TMEM39A: variants seen among roughly 807,000 people sequenced by gnomAD.
The protein encoded by TMEM39A is transmembrane protein 39A, also known as suppressor of SQST-1 aggregates in rpl-43 mutants.
A neutral mutation model predicts 51.9 loss-of-function variants in TMEM39A; 19 were observed. The ratio of observed to expected loss-of-function variants is 0.37; its 90% CI spans 0.26 to 0.54. The LOEUF (loss-of-function observed/expected upper bound fraction) is 0.54, where lower values mean the gene tolerates loss of function less well. Ranked by LOEUF, TMEM39A falls within the 20% of genes least tolerant of loss-of-function variation. The pLI is 0.88. For missense variants in TMEM39A, 433 were observed against 590.5 expected, an observed-to-expected ratio of 0.73 and a Z score of 2.76; for synonymous variants, 197 against 220.2, an observed-to-expected ratio of 0.89 and a Z score of 0.93.
chr3:119,440,165 T>C (rs143424412), intron 5 of TMEM39A, among the ~76,000 whole-genome samples: 307 of 152,108 alleles, frequency 2.0e-3, no homozygotes, highest in African/African-American at 6.8e-3. Flanking sequence ...ACAAGCTGCA[T>C]GTGTAGGTGT....
intron 4 of TMEM39A, among the ~76,000 whole-genome samples, chr3:119,447,624 A>ATT (rs547739348): frequency 2.5e-4 from 37 of 148,516 alleles, no homozygotes; most frequent in African/African-American, 8.4e-4. Context: ...TTTATTTTTA[A>ATT]TTTTTTTTTT....
At chr3:119,442,342 CAAAAA>C (rs34133941) in intron 5 of TMEM39A, among the ~76,000 whole-genome samples, 1 of 101,628 alleles carries the variant, frequency 9.8e-6, no homozygotes. Context: ...GACTCCATCT[CAAAAA>C]AAAAAAAAAA....
At chr3:119,442,343 A>C (rs2081065508) in intron 5 of TMEM39A, among the ~76,000 whole-genome samples, 1 of 96,772 alleles carries the variant, frequency 1.0e-5, no homozygotes, top group East Asian at 2.4e-4. Context: ...ACTCCATCTC[A>C]AAAAAAAAAA....
intron 3 of TMEM39A, among the ~76,000 whole-genome samples, chr3:119,456,818 C>G (rs1235177456): frequency 1.3e-5 from 2 of 152,188 alleles, no homozygotes; most frequent in East Asian, 1.9e-4. Flanking sequence ...GTTGCCTAGG[C>G]TGGTCTCAAA....
chr3:119,455,922 T>G (rs528294770), intron 3 of TMEM39A, among the ~76,000 whole-genome samples: 98 of 152,330 alleles, frequency 6.4e-4, no homozygotes, highest in Middle Eastern at 3.4e-3. Context: ...GGTCTGGACT[T>G]GGGCACTCAC....
chr3:119,455,271 T>A (rs966974846), intron 3 of TMEM39A, among the ~76,000 whole-genome samples: 1 of 152,200 alleles, frequency 6.6e-6, no homozygotes, highest in Non-Finnish European at 1.5e-5. Context: ...GGCAGTCCAA[T>A]CTATCTTTGA....
chr3:119,449,367 AG>A (rs1365858382), intron 4 of TMEM39A, among the ~76,000 whole-genome samples: 1 of 152,140 alleles, frequency 6.6e-6, no homozygotes, highest in African/African-American at 2.4e-5. Context: ...TGAGGTCTGG[AG>A]TTTGAGACCA....
chr3:119,441,091 G>A (rs2081046901), intron 5 of TMEM39A, among the ~76,000 whole-genome samples: 1 of 152,082 alleles, frequency 6.6e-6, no homozygotes, highest in Non-Finnish European at 1.5e-5. Context: ...TTCCATCAAT[G>A]AGCCATTCCC....
At chr3:119,450,826 CAAAAAAAAAAAAAA>C (rs60326718) in intron 4 of TMEM39A, among the ~76,000 whole-genome samples, 4 of 55,900 alleles carry the variant, frequency 7.2e-5, no homozygotes, top group African/African-American at 1.5e-4. Context: ...GACTCCATCT[CAAAAAAAAAAAAAA>C]AAAAAAAAAA....
At position 119,458,146 on chromosome 3, in the gene TMEM39A, C is replaced by T. The variant is rs2081290422; in HGVS notation, c.208G>A (p.Asp70Asn). The T allele has an allele frequency of 6.2e-7, 1 of 1,614,196 alleles. No individual in the cohort carries two copies. The highest frequency in any genetic ancestry group is 8.5e-7 in the Non-Finnish European group (1 of 1,180,046). Residue 70 changes from aspartate to asparagine, a missense_variant, in exon 3 of 9, where the codon GAT (aspartate) becomes AAT (asparagine). Around this residue, in one of 3 missense-constraint regions of TMEM39A, gnomAD observed 170 missense variants for 239.8 expected, o/e 0.71. Coordinates refer to ENST00000319172, the MANE Select transcript of TMEM39A (RefSeq NM_018266.3). The stretch of plus-strand genomic sequence containing the variant: ...AGGAATTCAAAGAGTAGGCTCCCAT[C>T]CACAGGCAAGTCAGGAATTTGGCAA... Reference protein sequence around the residue: ...RHCQIPDLPVDGSLLFEFLFF... With the variant: ...RHCQIPDLPVNGSLLFEFLFF...
rs1212203771 is a variant in TMEM39A at position 119,432,341 on chromosome 3, GTTTA to G, written c.1234-131_1234-128del. On this transcript the variant is annotated intron_variant, in intron 8 of 8. Transcript: ENST00000319172. Reference sequence around the variant, plus strand: ...CCCATATATAATAATAAATAGATCTGTTTATTTAATATCAATCAGGCTATTTCTT... The same window carrying G: ...CCCATATATAATAATAAATAGATCTGTTTAATATCAATCAGGCTATTTCTT... The G allele has an allele frequency of 3.0e-5, 18 of 596,176 alleles. No individual in the cohort carries two copies. In the African/African-American group the frequency reaches 3.2e-4, roughly 11 times the overall value. The allele number at this position is 596,176 out of a possible 1,614,324, so 36.9% of individuals were successfully genotyped here.
intron 3 of TMEM39A, among the ~76,000 whole-genome samples, chr3:119,455,937 C>A (rs1224977511): frequency 6.6e-6 from 1 of 152,102 alleles, no homozygotes; most frequent in Non-Finnish European, 1.5e-5. Context: ...ACTCACTATG[C>A]CGCTATGTGA....
At chr3:119,446,284 T>C (rs1337010015) in intron 5 of TMEM39A, among the ~76,000 whole-genome samples, 2 of 152,214 alleles carry the variant, frequency 1.3e-5, no homozygotes, top group Admixed American at 1.3e-4. Context: ...TAACTACACT[T>C]TGGAGCCATA....
chr3:119,453,710 A>C (rs1300869721), intron 3 of TMEM39A, among the ~76,000 whole-genome samples: 1 of 152,190 alleles, frequency 6.6e-6, no homozygotes, highest in Non-Finnish European at 1.5e-5. Context: ...AAGAGTTGCC[A>C]TGCTGATGTT....
In TMEM39A at chr3:119,435,340, A is replaced by C. The variant is rs933730536; in HGVS notation, c.1113-458T>G. ...GACATTTACTGCAGAATTACATCCC[A>C]AAAAACTATAGGAAATCAGTTTGCT... On this transcript the variant is annotated intron_variant, in intron 7 of 8. Transcript: ENST00000319172. 9.1e-6 allele frequency: 9 copies of C among 985,286 alleles called. No individual in the cohort carries two copies. The Admixed American group carries it at 5.5e-4, about 61-fold the overall frequency. 61.0% of individuals were successfully genotyped at this position (985,286 alleles called of 1,614,324 possible).
At position 119,463,574 on chromosome 3, in the gene TMEM39A, A is replaced by C. The variant is rs908174352; in HGVS notation, c.-313T>G. ...GAGCTAAAGCTAGAGCCAGAGCCTGATACTTCAGCACCCATCCCTAGCCTC... is the reference window on the plus strand; with the variant it reads ...GAGCTAAAGCTAGAGCCAGAGCCTGCTACTTCAGCACCCATCCCTAGCCTC... On this transcript the variant is annotated 5_prime_UTR_variant, in exon 1 of 9. Coordinates refer to ENST00000319172, the MANE Select transcript of TMEM39A (RefSeq NM_018266.3). 2.5e-6 allele frequency: 1 copy of C among 398,712 alleles called. No individual in the cohort carries two copies. The highest frequency in any genetic ancestry group is 4.4e-6 in the Non-Finnish European group (1 of 226,198). 24.7% of individuals were successfully genotyped at this position (398,712 alleles called of 1,614,324 possible). A position where few individuals can be genotyped will look rare whatever the true frequency, so the allele number is the denominator to read the frequency against.
intron 8 of TMEM39A, among the ~76,000 whole-genome samples, chr3:119,432,756 C>A (rs1465154092): frequency 1.3e-5 from 2 of 152,070 alleles, no homozygotes; most frequent in African/African-American, 4.8e-5. Flanking sequence ...ACAATAGTTT[C>A]TTAGTTTTTC....
intron 3 of TMEM39A, among the ~76,000 whole-genome samples, chr3:119,455,294 TA>T (rs2081250014): frequency 6.6e-6 from 1 of 152,234 alleles, no homozygotes; most frequent in African/African-American, 2.4e-5. Context: ...AACTCACTGA[TA>T]CAGGCTCCTT....
At chr3:119,451,326 T>A (rs1281411697) in intron 4 of TMEM39A, 2 of 1,283,912 alleles carry the variant, frequency 1.6e-6, no homozygotes, top group African/African-American at 3.0e-5. Context: ...ACCTTCCATG[T>A]ATGTTTTGGG....
Sources: allele counts gnomAD v4.1 joint callset (sites outside exome capture counted in the v4.1 genomes callset), GRCh38; gene constraint gnomAD v4.1.1; regional missense constraint gnomAD v4.1.1; transcripts MANE v1.5; gene names NCBI Gene and HGNC (gene_info 2026-07-23, HGNC 2026-07-21).